The following KLHL25 variants were observed in gnomAD, a reference collection of about 807,000 sequenced individuals.
KLHL25 encodes the protein kelch like family member 25, also known as kelch-like protein 25.
KLHL25 carries 41 observed loss-of-function variants against 30.0 expected under a neutral mutation model. The ratio of observed to expected loss-of-function variants is 1.37; its 90% CI spans 1.07 to 1.78. The LOEUF is 1.78. Among genes scored for constraint, KLHL25 ranks in the 40% most tolerant of loss-of-function variants. The pLI, the probability that KLHL25 is intolerant of heterozygous loss-of-function variation, is 0.00. For synonymous variants in KLHL25, 399 were observed against 355.3 expected, an observed-to-expected ratio of 1.12 and a Z score of -1.38; for missense variants, 971 against 824.5, an observed-to-expected ratio of 1.18 and a Z score of -2.18.
Position 85,759,495 on chromosome 15 carries a change from T to C in KLHL25, c.*1541A>G, listed in dbSNP as rs2089564568. Reference sequence around the variant, plus strand: ...CAGTCCCCGCGGCCAGGCTCCTGAGTGTGCCAGCAGAGCCGTCCCCTGGGA... The same window carrying C: ...CAGTCCCCGCGGCCAGGCTCCTGAGCGTGCCAGCAGAGCCGTCCCCTGGGA... On this transcript the variant is annotated 3_prime_UTR_variant, in exon 3 of 3. Transcript: ENST00000337975. The C allele has an allele frequency of 6.6e-6, 1 of 152,326 alleles. No homozygotes were observed. Among genetic ancestry groups the C allele is most frequent in the Admixed American group, 6.5e-5 (1 of 15,278 alleles). The allele number at this position is 152,326 out of a possible 1,614,324, so 9.4% of individuals were successfully genotyped here. A position where few individuals can be genotyped will look rare whatever the true frequency, so the allele number is the denominator to read the frequency against.
chr15:85,773,688 T>G (rs1443255811), intron 1 of KLHL25, among the ~76,000 whole-genome samples: 1 of 152,190 alleles, frequency 6.6e-6, no homozygotes, highest in East Asian at 1.9e-4. Flanking sequence ...ACTAAGATGT[T>G]CACTGGAACT....
At chr15:85,761,699 C>G (rs984766677) in intron 2 of KLHL25, 2 of 152,286 alleles carry the variant, frequency 1.3e-5, no homozygotes, top group Non-Finnish European at 2.9e-5. Context: ...CTCCGAGGCC[C>G]TGAAAGGAAA....
chr15:85,786,577 A>C (rs2089782950), intron 1 of KLHL25, among the ~76,000 whole-genome samples: 1 of 152,138 alleles, frequency 6.6e-6, no homozygotes, highest in Admixed American at 6.5e-5. Flanking sequence ...TCATTTCTTT[A>C]TTCCTGCAGA....
chr15:85,778,218 T>C (rs1017139062), intron 1 of KLHL25, among the ~76,000 whole-genome samples: 2 of 152,176 alleles, frequency 1.3e-5, no homozygotes, highest in African/African-American at 2.4e-5. Context: ...CTGGAAAGCA[T>C]AGCACTGACA....
At chr15:85,771,315 G>C (rs2089670716) in intron 1 of KLHL25, among the ~76,000 whole-genome samples, 2 of 151,624 alleles carry the variant, frequency 1.3e-5, no homozygotes, top group Non-Finnish European at 2.9e-5. Flanking sequence ...ATGGGGCCAA[G>C]AAAAACAAAA....
chr15:85,794,282 C>A (rs2089836655), intron 1 of KLHL25, among the ~76,000 whole-genome samples: 1 of 152,224 alleles, frequency 6.6e-6, no homozygotes, highest in South Asian at 2.1e-4. Flanking sequence ...GCCAGGCCCG[C>A]GCAAACCCTC....
chr15:85,771,936 C>CGG (rs1567239850), intron 1 of KLHL25, among the ~76,000 whole-genome samples: 2 of 152,212 alleles, frequency 1.3e-5, no homozygotes, highest in African/African-American at 4.8e-5. Context: ...CTGCGCTGAC[C>CGG]GGGTCTGAGG....
At chr15:85,776,100 CA>C (rs2089707257) in intron 1 of KLHL25, among the ~76,000 whole-genome samples, 1 of 150,364 alleles carries the variant, frequency 6.7e-6, no homozygotes, top group African/African-American at 2.4e-5. Context: ...TTGAACCCAG[CA>C]AATGGAGGTT....
Position 85,776,305 on chromosome 15 carries a change from A to G in KLHL25, c.-10-6485T>C, listed in dbSNP as rs564404254. On this transcript the variant is annotated intron_variant, in intron 1 of 2. Transcript: ENST00000337975. Reference sequence around the variant, plus strand: ...GGAGTTGGAGACCAGCCTGGCCAATATGGTGAAACCCCATCTCTACTAAAA... The same window carrying G: ...GGAGTTGGAGACCAGCCTGGCCAATGTGGTGAAACCCCATCTCTACTAAAA... Among the ~76,000 whole-genome samples, 8 of 152,210 alleles carry G rather than the reference A, an allele frequency of 5.3e-5. No individual in the cohort carries two copies. In the South Asian group the frequency reaches 1.0e-3, roughly 20 times the overall value.
At chr15:85,770,408 C>G (rs1395565792) in intron 1 of KLHL25, 3 of 489,320 alleles carry the variant, frequency 6.1e-6, no homozygotes, top group African/African-American at 3.9e-5. Flanking sequence ...CAGAGCCTCA[C>G]GTACCCACTT....
At chr15:85,777,167 T>A (rs1323425142) in intron 1 of KLHL25, among the ~76,000 whole-genome samples, 4 of 152,220 alleles carry the variant, frequency 2.6e-5, no homozygotes, top group Non-Finnish European at 4.4e-5. Flanking sequence ...GGGCTGAGAA[T>A]GTCTGCTTCA....
At chr15:85,785,725 AG>A (rs2089776911) in intron 1 of KLHL25, among the ~76,000 whole-genome samples, 1 of 152,194 alleles carries the variant, frequency 6.6e-6, no homozygotes, top group Non-Finnish European at 1.5e-5. Context: ...AGCCCGCAGC[AG>A]CCTCCCACGG....
chr15:85,767,820 T>G (rs1449818515), intron 2 of KLHL25, among the ~76,000 whole-genome samples, 197 bp downstream of exon 2: 1 of 152,232 alleles, frequency 6.6e-6, no homozygotes, highest in Non-Finnish European at 1.5e-5. Context: ...TTTTGCAGAC[T>G]GGTTCAATAA....
rs780161470 is a variant in KLHL25 at position 85,769,142 on chromosome 15, C to A, written c.669G>T (p.Glu223Asp). 11 of 1,610,664 alleles carry A rather than the reference C, an allele frequency of 6.8e-6. No individual in the cohort carries two copies. Among genetic ancestry groups the A allele is most frequent in the Non-Finnish European group, 9.3e-6 (11 of 1,177,870 alleles). ...AILQWVKHDL[E>D]PRKVHLPELL... ...GCTCGGGCAAGTGGACCTTCCGTGG[C>A]TCCAGGTCGTGCTTCACCCACTGGA... Residue 223 changes from glutamate (E) to aspartate (D), a missense_variant, in exon 2 of 3, where the codon GAG (glutamate) becomes GAT (aspartate). Physicochemically the swap from Glu to Asp is conservative, Grantham distance 45. Coordinates refer to ENST00000337975, the MANE Select transcript of KLHL25 (RefSeq NM_022480.4).
rs745623168 is a variant in KLHL25, at chr15:85,768,295, C to A, written c.1516G>T (p.Ala506Ser). 5.0e-6 allele frequency: 8 copies of A among 1,613,902 alleles called. No homozygotes were observed. The highest frequency in any genetic ancestry group is 1.6e-4 in the Middle Eastern group (1 of 6,084). ...TCACAGTCAAAGCGGTAGGCCGAGGCGGCTGTGAATTCCGTGTCACCTCCC... is the reference window on the plus strand; with the variant it reads ...TCACAGTCAAAGCGGTAGGCCGAGGAGGCTGTGAATTCCGTGTCACCTCCC... ...IMGGDTEFTA[A>S]SAYRFDCETN... is the part of the protein sequence containing the mutation. Residue 506 changes from alanine (A) to serine (S), a missense_variant, in exon 2 of 3, where the codon GCC becomes TCC. Ala to Ser is a moderately conservative substitution (Grantham distance 99). Transcript: ENST00000337975.
intron 1 of KLHL25, among the ~76,000 whole-genome samples, chr15:85,788,056 C>CAAAA (rs60547525): frequency 0.022 from 1,294 of 57,704 alleles, 54 homozygotes; most frequent in Middle Eastern, 0.065. Context: ...AACTAGATCT[C>CAAAA]AAAAAAAAAA....
rs904371908 is a variant in KLHL25, at chr15:85,789,672, T to C, written c.-11+5094A>G. ...CTCACCCTAGTCATTCCAGAGGGGGTCATCCTGGTGCTCCCACGAACTGCT... is the reference window on the plus strand; with the variant it reads ...CTCACCCTAGTCATTCCAGAGGGGGCCATCCTGGTGCTCCCACGAACTGCT... On this transcript the variant is annotated intron_variant, in intron 1 of 2. Transcript: ENST00000337975. The surrounding 1 kb of genome is among the most constrained non-coding windows in gnomAD (Gnocchi z 4.1). Among the ~76,000 whole-genome samples, 1 of 151,772 alleles carries C rather than the reference T, an allele frequency of 6.6e-6. No homozygotes were observed. Among genetic ancestry groups the C allele is most frequent in the African/African-American group, 2.4e-5 (1 of 41,296 alleles).
rs1439939081 is a variant in KLHL25 at position 85,760,678 on chromosome 15, T to G, written c.*358A>C. On this transcript the variant is annotated 3_prime_UTR_variant, in exon 3 of 3. Coordinates refer to ENST00000337975, the MANE Select transcript of KLHL25 (RefSeq NM_022480.4). ...CCCACCCGGGGCGCCTCCCTGCCCC[T>G]GCCTGCCCGGCCCCAGTCCAGGACC... 1 of 152,542 alleles carries G rather than the reference T, an allele frequency of 6.6e-6. No homozygotes were observed. Among genetic ancestry groups the G allele is most frequent in the Non-Finnish European group, 1.5e-5 (1 of 68,260 alleles). 9.4% of individuals were successfully genotyped at this position (152,542 alleles called of 1,614,324 possible).
At chr15:85,764,360 G>C (rs1386208398) in intron 2 of KLHL25, 1 of 152,650 alleles carries the variant, frequency 6.6e-6, no homozygotes, top group African/African-American at 2.4e-5. Flanking sequence ...GGGGCTGCGC[G>C]GAGGGTCTCT....
Sources: allele counts gnomAD v4.1 joint callset (sites outside exome capture counted in the v4.1 genomes callset), GRCh38; gene constraint gnomAD v4.1.1; non-coding constraint Gnocchi (gnomAD v3.1); transcripts MANE v1.5; gene names NCBI Gene and HGNC (gene_info 2026-07-23, HGNC 2026-07-21).